Variants in KLHL1 observed in about 807,000 individuals in gnomAD.
KLHL1 encodes the protein kelch like family member 1, also known as kelch-like protein 1.
KLHL1 carries 47 observed loss-of-function variants against 77.7 expected under a neutral mutation model. That is an observed-to-expected ratio of 0.60 (90% CI 0.48 to 0.77). The LOEUF (loss-of-function observed/expected upper bound fraction) is 0.77, where lower values mean the gene tolerates loss of function less well. KLHL1 is among the 30% of genes least tolerant of loss of function. KLHL1 has a pLI of 0.00. For synonymous variants in KLHL1, 360 were observed against 325.2 expected (o/e 1.11, Z -1.15); for missense variants, 925 against 910.8 (o/e 1.02, Z -0.20).
chr13:69,788,536 A>G (rs1251665030), intron 7 of KLHL1, among the ~76,000 whole-genome samples: 1 of 152,182 alleles, frequency 6.6e-6, no homozygotes, highest in Non-Finnish European at 1.5e-5. Flanking sequence ...TGGGAGGGAT[A>G]GCATTAGGAG....
intron 1 of KLHL1, among the ~76,000 whole-genome samples, chr13:70,013,176 A>T (rs1051553939): frequency 2.0e-5 from 3 of 152,306 alleles, no homozygotes; most frequent in African/African-American, 7.2e-5. Context: ...GATAAAGAAG[A>T]AATATAAACA....
chr13:69,743,582 C>T (rs962799538), intron 7 of KLHL1, among the ~76,000 whole-genome samples: 3 of 151,920 alleles, frequency 2.0e-5, no homozygotes, highest in Admixed American at 6.6e-5. Context: ...GCCAGGAGTT[C>T]GAGACCAGCC....
chr13:69,963,043 A>G (rs1884114853), intron 2 of KLHL1, among the ~76,000 whole-genome samples: 1 of 151,990 alleles, frequency 6.6e-6, no homozygotes, highest in Non-Finnish European at 1.5e-5. Flanking sequence ...AGAGCCTAAC[A>G]TTTATTTGTT....
intron 1 of KLHL1, among the ~76,000 whole-genome samples, chr13:69,983,499 G>GGGA (rs1299760815): frequency 3.3e-5 from 5 of 150,544 alleles, no homozygotes; most frequent in South Asian, 2.1e-4. Flanking sequence ...CTACCACTTT[G>GGGA]GGAGGTCAAA....
chr13:69,776,942 T>C (rs532377735), intron 7 of KLHL1, among the ~76,000 whole-genome samples: 1 of 152,158 alleles, frequency 6.6e-6, no homozygotes, highest in Non-Finnish European at 1.5e-5. Flanking sequence ...GGTTAGTTTG[T>C]ACCTTTTGAT....
intron 1 of KLHL1, among the ~76,000 whole-genome samples, chr13:70,078,906 T>A (rs1887326467): frequency 6.6e-6 from 1 of 152,134 alleles, no homozygotes; most frequent in South Asian, 2.1e-4. Context: ...AAACAACTAG[T>A]CCTCTAAAAT....
At chr13:69,917,673 T>C (rs549530401) in intron 4 of KLHL1, among the ~76,000 whole-genome samples, 2 of 152,282 alleles carry the variant, frequency 1.3e-5, no homozygotes, top group East Asian at 3.9e-4. Flanking sequence ...CACAGTCATT[T>C]ATAAACAAAC....
chr13:69,938,031 A>G (rs1041605210), intron 4 of KLHL1, among the ~76,000 whole-genome samples: 2 of 151,334 alleles, frequency 1.3e-5, no homozygotes, highest in Non-Finnish European at 3.0e-5. Context: ...AGTTAAGGAG[A>G]AAAAAAAACA....
intron 6 of KLHL1, among the ~76,000 whole-genome samples, chr13:69,838,163 G>GT (rs556370529): frequency 4.3e-4 from 64 of 147,992 alleles, no homozygotes; most frequent in East Asian, 1.2e-3. Flanking sequence ...ATTGAAATAA[G>GT]TTTTTTTTTT....
intron 1 of KLHL1, among the ~76,000 whole-genome samples, chr13:70,073,737 A>T (rs765482984): frequency 6.6e-6 from 1 of 152,090 alleles, no homozygotes; most frequent in Non-Finnish European, 1.5e-5. Flanking sequence ...TGATCGTGCC[A>T]CTGCACTTTA....
At chr13:70,010,256 G>A (rs1162336792) in intron 1 of KLHL1, among the ~76,000 whole-genome samples, 2 of 152,064 alleles carry the variant, frequency 1.3e-5, no homozygotes, top group Non-Finnish European at 2.9e-5. Flanking sequence ...CTAGTGTTAT[G>A]TATAGAATAG....
intron 8 of KLHL1, among the ~76,000 whole-genome samples, chr13:69,735,574 CATAAT>C (rs1319258023): frequency 1.3e-5 from 2 of 149,158 alleles, no homozygotes; most frequent in African/African-American, 4.9e-5. Context: ...TAAATAAACA[CATAAT>C]ATGTAAAATA....
chr13:70,075,569 G>GTATATATATATATATATATATATATATA (rs1555295388), intron 1 of KLHL1, among the ~76,000 whole-genome samples: 3 of 106,664 alleles, frequency 2.8e-5, no homozygotes, highest in Non-Finnish European at 3.8e-5. Flanking sequence ...GTGTGTATGT[G>GTATATATATATATATATATATATATATA]TATATATATA....
intron 2 of KLHL1, among the ~76,000 whole-genome samples, chr13:69,971,037 T>C (rs1290953314): frequency 6.6e-6 from 1 of 152,118 alleles, no homozygotes. Flanking sequence ...AAACTACCTT[T>C]CTAAATTATG....
intron 7 of KLHL1, among the ~76,000 whole-genome samples, chr13:69,793,627 T>C (rs983109224): frequency 6.6e-6 from 1 of 152,106 alleles, no homozygotes; most frequent in African/African-American, 2.4e-5. Context: ...GTATAATATG[T>C]TATTATATAT....
chr13:70,043,968 T>C (rs959573074), intron 1 of KLHL1, among the ~76,000 whole-genome samples: 1 of 152,214 alleles, frequency 6.6e-6, no homozygotes, highest in African/African-American at 2.4e-5. Flanking sequence ...CTGCAATTCT[T>C]ACTCATGCTC....
At chr13:69,898,864 G>A (rs1178696938) in intron 4 of KLHL1, among the ~76,000 whole-genome samples, 1 of 152,080 alleles carries the variant, frequency 6.6e-6, no homozygotes, top group East Asian at 1.9e-4. Context: ...TTGTGAACGA[G>A]GCCTGGAGAC....
At chr13:69,865,257 T>C (rs1177832278) in intron 5 of KLHL1, among the ~76,000 whole-genome samples, 1 of 152,092 alleles carries the variant, frequency 6.6e-6, no homozygotes, top group Non-Finnish European at 1.5e-5. Flanking sequence ...CTTTTAATGG[T>C]AAACCAGGTG....
At chr13:70,005,741 A>C (rs1253330163) in intron 1 of KLHL1, among the ~76,000 whole-genome samples, 2 of 152,044 alleles carry the variant, frequency 1.3e-5, no homozygotes, top group Non-Finnish European at 2.9e-5. Flanking sequence ...AGCAGGGAAA[A>C]TTATCAAAAC....
Sources: gnomAD v4.1 joint callset for allele counts (sites outside exome capture counted in the v4.1 genomes callset) on GRCh38, gnomAD v4.1.1 for gene constraint, MANE v1.5 for transcripts, NCBI Gene and HGNC (gene_info 2026-07-23, HGNC 2026-07-21) for gene names.